The following C19orf12 variants were observed in gnomAD, a reference collection of about 807,000 sequenced individuals.
The protein encoded by C19orf12 is protein C19orf12.
A neutral mutation model predicts 3.8 loss-of-function variants in C19orf12; 2 were observed. That is an observed-to-expected ratio of 0.53 (90% CI 0.22 to 1.66). The LOEUF is 1.66. C19orf12 is among the 40% of genes most tolerant of loss of function. The pLI, the probability that C19orf12 is intolerant of heterozygous loss-of-function variation, is 0.20. For synonymous variants in C19orf12, 89 were observed against 84.6 expected, an observed-to-expected ratio of 1.05 and a Z score of -0.28; for missense variants, 156 against 188.8, an observed-to-expected ratio of 0.83 and a Z score of 1.02.
rs565402320 is a variant in C19orf12, at chr19:29,700,858, C to T, written c.*1854G>A. On this transcript the variant is annotated 3_prime_UTR_variant, in exon 3 of 3. Coordinates refer to ENST00000323670, the MANE Select transcript of C19orf12 (RefSeq NM_031448.6). ...GGGCCTCAGCAGAAGTGCCTCCCTC[C>T]GAGCCTCCAGGGCCTGAGAGGAGAG... 147 of 454,134 alleles carry T rather than the reference C, an allele frequency of 3.2e-4. No individual in the cohort carries two copies. Among genetic ancestry groups the T allele is most frequent in the Middle Eastern group, 1.4e-3 (2 of 1,444 alleles). 28.1% of individuals were successfully genotyped at this position (454,134 alleles called of 1,614,324 possible). A position where few individuals can be genotyped will look rare whatever the true frequency, so the allele number is the denominator to read the frequency against.
chr19:29,711,322 G>T (rs576236411), intron 1 of C19orf12, among the ~76,000 whole-genome samples: 4 of 152,298 alleles, frequency 2.6e-5, no homozygotes, highest in African/African-American at 9.6e-5. Context: ...TTATGGGCGT[G>T]AGCCACTACG....
At position 29,713,179 on chromosome 19, in the gene C19orf12, C is replaced by T. The variant is rs565061489; in HGVS notation, c.-11+1946G>A. ...TGCTCCTTCTCCCACCGCAAGGCTG[C>T]CTTTGTCTGTAAATGACAGGGAAGT... On this transcript the variant is annotated intron_variant, in intron 1 of 2. Coordinates refer to ENST00000323670, the MANE Select transcript of C19orf12 (RefSeq NM_031448.6). 7.7e-4 allele frequency among the ~76,000 whole-genome samples: 118 copies of T among 152,288 alleles called. 1 individual carries two copies. In the South Asian group the frequency reaches 0.023, roughly 30 times the overall value.
In C19orf12 at chr19:29,702,912, T is replaced by A; in HGVS notation, c.226A>T (p.Ile76Phe). ...TCGGCAGGGGGCAGCTCCATTAGGA[T>A]CTGAGGAACCGGCTTAAACTGTCCA... ...TSGQFKPVPQ[I>F]LMELPPAEQQ... The change falls in exon 3 of 3, where the codon ATC becomes TTC. Residue 76 changes from isoleucine (I) to phenylalanine (F), a missense_variant. Coordinates refer to ENST00000323670, the MANE Select transcript of C19orf12 (RefSeq NM_031448.6). 1 of 1,614,176 alleles carries A rather than the reference T, an allele frequency of 6.2e-7. No homozygotes were observed. The highest frequency in any genetic ancestry group is 8.5e-7 in the Non-Finnish European group (1 of 1,180,030).
At chr19:29,712,812 C>T (rs963399022) in intron 1 of C19orf12, among the ~76,000 whole-genome samples, 2 of 152,142 alleles carry the variant, frequency 1.3e-5, no homozygotes, top group African/African-American at 4.8e-5. Flanking sequence ...ATTTCCTTGG[C>T]CATGAGACCC....
Position 29,701,499 on chromosome 19 carries a change from A to G in C19orf12, c.*1213T>C, listed in dbSNP as rs771246280. The G allele has an allele frequency of 5.3e-5, 24 of 454,038 alleles. 1 individual carries two copies. The highest frequency in any genetic ancestry group is 6.8e-4 in the Middle Eastern group (1 of 1,466). 28.1% of individuals were successfully genotyped at this position (454,038 alleles called of 1,614,324 possible). ...AAAGGTCTGTACGTGTTCAGTACCA[A>G]TGCAATTTCTTTTTTCAAATATTTC... On this transcript the variant is annotated 3_prime_UTR_variant, in exon 3 of 3. Transcript: ENST00000323670.
chr19:29,710,950 A>T (rs1051371717), intron 1 of C19orf12, among the ~76,000 whole-genome samples: 3 of 151,974 alleles, frequency 2.0e-5, no homozygotes, highest in Non-Finnish European at 4.4e-5. Flanking sequence ...CGGAGCGCAG[A>T]ACCTGATTTA....
In C19orf12 at chr19:29,701,797, T is replaced by C; in HGVS notation, c.*915A>G. On this transcript the variant is annotated 3_prime_UTR_variant, in exon 3 of 3. Transcript: ENST00000323670. ...CACTTTGCGTTTCTGTGTCAGCATTTTGAACAGTAAATATTTTTAAATTAA... is the reference window on the plus strand; with the variant it reads ...CACTTTGCGTTTCTGTGTCAGCATTCTGAACAGTAAATATTTTTAAATTAA... 1 of 451,964 alleles carries C rather than the reference T, an allele frequency of 2.2e-6. No homozygotes were observed. Among genetic ancestry groups the C allele is most frequent in the Non-Finnish European group, 4.4e-6 (1 of 225,092 alleles). The allele number at this position is 451,964 out of a possible 1,614,324, so 28.0% of individuals were successfully genotyped here.
chr19:29,709,170 C>G (rs1411104088), intron 1 of C19orf12, among the ~76,000 whole-genome samples: 2 of 152,210 alleles, frequency 1.3e-5, no homozygotes, highest in African/African-American at 4.8e-5. Context: ...GGAGACAAAG[C>G]AACTGGAGAA....
chr19:29,704,645 T>C (rs1293101470), intron 2 of C19orf12, among the ~76,000 whole-genome samples: 1 of 152,188 alleles, frequency 6.6e-6, no homozygotes, highest in East Asian at 1.9e-4. Flanking sequence ...GTGCAGAATA[T>C]GGTGCAGAGA....
At position 29,699,338 on chromosome 19, in the gene C19orf12, C is replaced by G. The variant is rs956105009; in HGVS notation, c.*3374G>C. ...AAAAAAATAAAAAAATAAAAATTAG[C>G]CGGGCATGGTGGCGGGCGACTGTAG... On this transcript the variant is annotated 3_prime_UTR_variant, in exon 3 of 3. Coordinates refer to ENST00000323670, the MANE Select transcript of C19orf12 (RefSeq NM_031448.6). 1 of 364,916 alleles carries G rather than the reference C, an allele frequency of 2.7e-6. No individual in the cohort carries two copies. 22.6% of individuals were successfully genotyped at this position (364,916 alleles called of 1,614,324 possible). A position where few individuals can be genotyped will look rare whatever the true frequency, so the allele number is the denominator to read the frequency against.
chr19:29,707,380 G>A (rs1305146309), intron 2 of C19orf12, among the ~76,000 whole-genome samples: 2 of 152,128 alleles, frequency 1.3e-5, no homozygotes, highest in East Asian at 3.9e-4. Flanking sequence ...AAAAGCAGGT[G>A]GTAAAGGAGG....
chr19:29,712,549 A>G (rs1972738358), intron 1 of C19orf12, among the ~76,000 whole-genome samples: 1 of 152,184 alleles, frequency 6.6e-6, no homozygotes. Flanking sequence ...GTAGGAAGAA[A>G]TAAGCAACAT....
intron 2 of C19orf12, chr19:29,705,152 T>C (rs1010183370): frequency 4.8e-6 from 1 of 208,236 alleles, no homozygotes. Context: ...ACCCCCAGAA[T>C]TAATGCAAGA....
chr19:29,706,415 T>C (rs1447063544), intron 2 of C19orf12, among the ~76,000 whole-genome samples: 2 of 152,204 alleles, frequency 1.3e-5, no homozygotes, highest in African/African-American at 2.4e-5. Flanking sequence ...CTCCCGCCCA[T>C]GACCAGGGAC....
In C19orf12 at chr19:29,699,470, G is replaced by A. The variant is rs886054314; in HGVS notation, c.*3242C>T. ...TGCACTCCAGCCCGGGCGACAGTGC[G>A]AGACTCCATCTCAAAAAAAAAAAAA... On this transcript the variant is annotated 3_prime_UTR_variant, in exon 3 of 3. Coordinates refer to ENST00000323670, the MANE Select transcript of C19orf12 (RefSeq NM_031448.6). 30 of 409,440 alleles carry A rather than the reference G, an allele frequency of 7.3e-5. No individual in the cohort carries two copies. In the East Asian group the frequency reaches 1.7e-3, roughly 23 times the overall value. The allele number at this position is 409,440 out of a possible 1,614,324, so 25.4% of individuals were successfully genotyped here.
intron 1 of C19orf12, among the ~76,000 whole-genome samples, chr19:29,710,984 G>GCTA (rs1972634912): frequency 6.7e-6 from 1 of 149,648 alleles, no homozygotes; most frequent in Admixed American, 6.6e-5. Context: ...GTCCTGAAAA[G>GCTA]CTATCACACA....
intron 2 of C19orf12, among the ~76,000 whole-genome samples, chr19:29,707,065 G>C (rs2145635719): frequency 6.6e-6 from 1 of 152,334 alleles, no homozygotes; most frequent in South Asian, 2.1e-4. Flanking sequence ...AATAGAAGCA[G>C]GTGGTAAATG....
upstream of C19orf12, chr19:29,715,359 G>A (rs753208833): frequency 3.3e-5 from 13 of 392,654 alleles, no homozygotes; most frequent in Non-Finnish European, 5.1e-5. Context: ...GGCCTTAGGG[G>A]GAGCCGGGGG....
Position 29,699,497 on chromosome 19 carries a change from GA to G in C19orf12, c.*3214del. 2.5e-6 allele frequency: 1 copy of G among 398,664 alleles called. No homozygotes were observed. The highest frequency in any genetic ancestry group is 4.8e-6 in the Non-Finnish European group (1 of 209,796). The allele number at this position is 398,664 out of a possible 1,614,324, so 24.7% of individuals were successfully genotyped here. The stretch of plus-strand genomic sequence containing the variant: ...GACTCCATCTCAAAAAAAAAAAAAA[GA>G]AAAAAAGAAAAAAATATATGTGTAC... On this transcript the variant is annotated 3_prime_UTR_variant, in exon 3 of 3. Coordinates refer to ENST00000323670, the MANE Select transcript of C19orf12 (RefSeq NM_031448.6).
Sources: allele counts gnomAD v4.1 joint callset (sites outside exome capture counted in the v4.1 genomes callset), GRCh38; gene constraint gnomAD v4.1.1; transcripts MANE v1.5; gene names NCBI Gene and HGNC (gene_info 2026-07-23, HGNC 2026-07-21).